The following GRIN2A variants were observed in gnomAD, a reference collection of about 807,000 sequenced individuals.
GRIN2A encodes the protein glutamate ionotropic receptor NMDA type subunit 2A.
A neutral mutation model predicts 113.4 loss-of-function variants in GRIN2A; 22 were observed. That is an observed-to-expected ratio of 0.19 (90% confidence interval 0.14 to 0.28). The LOEUF is 0.28. Ranked by LOEUF, GRIN2A falls within the 10% of genes least tolerant of loss-of-function variation. The pLI is 1.00. For synonymous variants in GRIN2A, 827 were observed against 738.4 expected (o/e 1.12, Z -1.94); for missense variants, 1,502 against 1,887.0 (o/e 0.80, Z 3.78).
chr16:9,841,984 G>C (rs759479959), intron 5 of GRIN2A, among the ~76,000 whole-genome samples: 4 of 152,180 alleles, frequency 2.6e-5, no homozygotes, highest in Non-Finnish European at 5.9e-5. Context: ...GGGTATGGTG[G>C]CTCACACCTA....
chr16:9,947,453 G>C (rs1450165099), intron 2 of GRIN2A, among the ~76,000 whole-genome samples: 2 of 152,236 alleles, frequency 1.3e-5, no homozygotes, highest in Admixed American at 1.3e-4. Context: ...AGCTGCTGCT[G>C]AACTGAAGGA....
At chr16:10,161,472 T>C (rs917975878) in intron 2 of GRIN2A, among the ~76,000 whole-genome samples, 2 of 152,202 alleles carry the variant, frequency 1.3e-5, no homozygotes, top group Non-Finnish European at 2.9e-5. Flanking sequence ...TTAAATTATT[T>C]CGCCTTAGTA....
intron 3 of GRIN2A, among the ~76,000 whole-genome samples, chr16:9,915,394 C>G (rs1596581464): frequency 6.6e-6 from 1 of 151,356 alleles, no homozygotes; most frequent in East Asian, 2.0e-4. Context: ...ACAGCACAGA[C>G]CTACACAACT....
At chr16:9,913,755 G>C (rs2044188871) in intron 3 of GRIN2A, among the ~76,000 whole-genome samples, 1 of 152,118 alleles carries the variant, frequency 6.6e-6, no homozygotes, top group Non-Finnish European at 1.5e-5. Context: ...TGATGTTCTA[G>C]GTCCAACTTT....
At chr16:10,081,145 C>T (rs1377338719) in intron 2 of GRIN2A, among the ~76,000 whole-genome samples, 2 of 152,208 alleles carry the variant, frequency 1.3e-5, no homozygotes, top group South Asian at 2.1e-4. Context: ...TTCCGAGGCT[C>T]TTACATGCTT....
chr16:10,114,611 G>C (rs2048692411), intron 2 of GRIN2A, among the ~76,000 whole-genome samples: 1 of 152,166 alleles, frequency 6.6e-6, no homozygotes. Flanking sequence ...GGGTAGCTAA[G>C]AACACTGCCC....
At chr16:10,032,794 A>C (rs1360612303) in intron 2 of GRIN2A, among the ~76,000 whole-genome samples, 1 of 152,228 alleles carries the variant, frequency 6.6e-6, no homozygotes, top group African/African-American at 2.4e-5. Flanking sequence ...GAGAGCTTTC[A>C]TCATAGCTTC....
At chr16:10,090,900 T>G (rs1207847965) in intron 2 of GRIN2A, among the ~76,000 whole-genome samples, 1 of 152,104 alleles carries the variant, frequency 6.6e-6, no homozygotes. Context: ...AGTTATTTCA[T>G]CAAAGATGAA....
At chr16:9,927,909 G>A (rs1290581589) in intron 3 of GRIN2A, among the ~76,000 whole-genome samples, 2 of 152,306 alleles carry the variant, frequency 1.3e-5, no homozygotes, top group Non-Finnish European at 2.9e-5. Context: ...GGGCAGTGTG[G>A]ATTTACTCTT....
chr16:10,054,352 C>G (rs981296307), intron 2 of GRIN2A, among the ~76,000 whole-genome samples: 1 of 152,118 alleles, frequency 6.6e-6, no homozygotes, highest in African/African-American at 2.4e-5. Context: ...GGTTAGATTC[C>G]GTTTTACATC....
intron 2 of GRIN2A, among the ~76,000 whole-genome samples, chr16:10,119,672 T>C (rs2048795984): frequency 6.6e-6 from 1 of 152,208 alleles, no homozygotes; most frequent in Non-Finnish European, 1.5e-5. Context: ...ACAGATTATT[T>C]TGTCACACAG....
At chr16:10,166,989 A>G (rs2049937697) in intron 2 of GRIN2A, among the ~76,000 whole-genome samples, 1 of 152,204 alleles carries the variant, frequency 6.6e-6, no homozygotes, top group Non-Finnish European at 1.5e-5. Flanking sequence ...ATTTGTATTA[A>G]TTGACTGTCT....
chr16:9,965,705 A>G (rs2045544222), intron 2 of GRIN2A, among the ~76,000 whole-genome samples: 1 of 152,180 alleles, frequency 6.6e-6, no homozygotes, highest in Non-Finnish European at 1.5e-5. Flanking sequence ...AAATGAATGG[A>G]GAGGAAATCA....
At chr16:9,855,397 A>G (rs1160966525) in intron 4 of GRIN2A, among the ~76,000 whole-genome samples, 1 of 152,238 alleles carries the variant, frequency 6.6e-6, no homozygotes, top group African/African-American at 2.4e-5. Flanking sequence ...ATTATCATTA[A>G]TTCAACATTT....
chr16:10,007,504 T>G (rs1271644391), intron 2 of GRIN2A, among the ~76,000 whole-genome samples: 1 of 152,216 alleles, frequency 6.6e-6, no homozygotes, highest in Non-Finnish European at 1.5e-5. Context: ...TTGAGTTGTT[T>G]GAGCTCCTTA....
intron 2 of GRIN2A, among the ~76,000 whole-genome samples, chr16:10,164,165 C>T (rs763864259): frequency 1.3e-5 from 2 of 152,144 alleles, no homozygotes; most frequent in African/African-American, 4.8e-5. Flanking sequence ...GGTTAATTAC[C>T]CACCAATGTG....
chr16:10,027,250 C>G (rs1483527195), intron 2 of GRIN2A, among the ~76,000 whole-genome samples: 1 of 152,138 alleles, frequency 6.6e-6, no homozygotes, highest in East Asian at 1.9e-4. Context: ...AGGAGTTGCC[C>G]ATATTACAGA....
chr16:10,035,217 G>C (rs2047002790), intron 2 of GRIN2A, among the ~76,000 whole-genome samples: 3 of 152,028 alleles, frequency 2.0e-5, no homozygotes, highest in African/African-American at 7.2e-5. Flanking sequence ...GTAGAGACAG[G>C]GTCTTGCTAT....
At chr16:10,135,907 G>A (rs1457260337) in intron 2 of GRIN2A, among the ~76,000 whole-genome samples, 1 of 152,100 alleles carries the variant, frequency 6.6e-6, no homozygotes, top group African/African-American at 2.4e-5. Flanking sequence ...GAGTTTGACT[G>A]AGTACAGACT....
Sources: gnomAD v4.1 joint callset for allele counts (sites outside exome capture counted in the v4.1 genomes callset) on GRCh38, gnomAD v4.1.1 for gene constraint, MANE v1.5 for transcripts, NCBI Gene and HGNC (gene_info 2026-07-23, HGNC 2026-07-21) for gene names.